Variants in SMIM14 observed in about 807,000 individuals in gnomAD.
SMIM14 encodes the protein small integral membrane protein 14.
Under a neutral mutation model 12.6 loss-of-function variants are expected in SMIM14, and 5 were observed. The observed-to-expected ratio is 0.40, with a 90% confidence interval of 0.21 to 0.83. The LOEUF (loss-of-function observed/expected upper bound fraction) is 0.83. Ranked by LOEUF, SMIM14 falls within the 40% of genes least tolerant of loss-of-function variation. SMIM14 has a pLI of 0.37. For missense variants in SMIM14, 86 were observed against 119.1 expected, an observed-to-expected ratio of 0.72 and a Z score of 1.29; for synonymous variants, 30 against 40.1, an observed-to-expected ratio of 0.75 and a Z score of 0.95.
At chr4:39,592,438 G>A (rs1223415451) in intron 2 of SMIM14, among the ~76,000 whole-genome samples, 1 of 151,964 alleles carries the variant, frequency 6.6e-6, no homozygotes, top group African/African-American at 2.4e-5. Context: ...AACCAGTGAT[G>A]AGGCAGTAGT....
At chr4:39,572,876 G>T (rs1712975002) in intron 2 of SMIM14, among the ~76,000 whole-genome samples, 1 of 151,868 alleles carries the variant, frequency 6.6e-6, no homozygotes, top group South Asian at 2.1e-4. Context: ...TCACTCTGTT[G>T]CCTAGGCTGG....
At chr4:39,630,867 C>CA (rs11451806) in intron 1 of SMIM14, among the ~76,000 whole-genome samples, 3,541 of 53,730 alleles carry the variant, frequency 0.066, 57 homozygotes, top group African/African-American at 0.11. Flanking sequence ...AAAACCCTGT[C>CA]AAAAAAAAAA....
At chr4:39,626,111 T>C (rs1255654361) in intron 1 of SMIM14, among the ~76,000 whole-genome samples, 1 of 152,146 alleles carries the variant, frequency 6.6e-6, no homozygotes, top group Non-Finnish European at 1.5e-5. Context: ...CTGGAGCGAC[T>C]GCATGCGAGG....
intron 1 of SMIM14, among the ~76,000 whole-genome samples, chr4:39,634,178 C>T (rs61644791): frequency 1.3e-5 from 2 of 152,294 alleles, no homozygotes; most frequent in South Asian, 2.1e-4. Context: ...CCACCGGCCT[C>T]GGCTTCCCAA....
intron 2 of SMIM14, among the ~76,000 whole-genome samples, chr4:39,598,171 T>C (rs1270135195): frequency 6.6e-6 from 1 of 152,220 alleles, no homozygotes; most frequent in Non-Finnish European, 1.5e-5. Flanking sequence ...AGTTACCTTA[T>C]ACTGCATAGA....
intron 4 of SMIM14, among the ~76,000 whole-genome samples, chr4:39,553,840 C>T (rs530577054): frequency 9.9e-5 from 15 of 150,858 alleles, no homozygotes; most frequent in East Asian, 7.9e-4. Context: ...GTGATCCGCC[C>T]GCCTCAGCCT....
intron 1 of SMIM14, among the ~76,000 whole-genome samples, chr4:39,634,581 A>T (rs1349962265): frequency 6.6e-6 from 1 of 152,260 alleles, no homozygotes; most frequent in East Asian, 1.9e-4. Flanking sequence ...GTTCCCAAAA[A>T]ATGGTAGCTA....
intron 3 of SMIM14, among the ~76,000 whole-genome samples, chr4:39,570,630 G>A (rs144581259): frequency 6.6e-6 from 1 of 151,676 alleles, no homozygotes; most frequent in African/African-American, 2.4e-5. Flanking sequence ...TTAAACGCTG[G>A]TGCTTCCCCA....
In SMIM14 at chr4:39,556,306, A is replaced by C. The variant is rs1712010469; in HGVS notation, c.267+122T>G. 6.9e-6 allele frequency: 6 copies of C among 867,988 alleles called. No homozygotes were observed. The Admixed American group carries it at 1.6e-4, about 23-fold the overall frequency. 53.8% of individuals were successfully genotyped at this position (867,988 alleles called of 1,614,324 possible). On this transcript the variant is annotated intron_variant, in intron 4 of 4. Transcript: ENST00000295958. ...TATTTAATAGAACTACATAGGTAGA[A>C]TACTCTATGAGTTAAATATAATTTA...
intron 1 of SMIM14, among the ~76,000 whole-genome samples, chr4:39,607,827 A>G (rs947452705): frequency 1.3e-5 from 2 of 152,232 alleles, no homozygotes; most frequent in African/African-American, 4.8e-5. Context: ...GAATTTCTAT[A>G]ACTCAATAAC....
At chr4:39,570,549 G>A (rs2110005027) in intron 3 of SMIM14, among the ~76,000 whole-genome samples, 1 of 152,290 alleles carries the variant, frequency 6.6e-6, no homozygotes, top group African/African-American at 2.4e-5. Flanking sequence ...CACAAAGAAT[G>A]TTTATTCAAG....
chr4:39,571,992 C>T (rs1712915318), intron 3 of SMIM14, among the ~76,000 whole-genome samples: 1 of 151,914 alleles, frequency 6.6e-6, no homozygotes, highest in African/African-American at 2.4e-5. Flanking sequence ...TTTGTAGAGA[C>T]AGGGTTTCCC....
rs1002993524 is a variant in SMIM14, at chr4:39,549,155, C to G, written c.*2971G>C. The G allele has an allele frequency of 6.6e-6, 1 of 152,126 alleles. No individual in the cohort carries two copies. Among genetic ancestry groups the G allele is most frequent in the African/African-American group, 2.4e-5 (1 of 41,408 alleles). The allele number at this position is 152,126 out of a possible 1,614,324, so 9.4% of individuals were successfully genotyped here. A position where few individuals can be genotyped will look rare whatever the true frequency, so the allele number is the denominator to read the frequency against. ...GTTGCAGTGAGCCAAGGTCGCGCCACTTCACTCCAGCTTGGGCGAAAGAGC... is the reference window on the plus strand; with the variant it reads ...GTTGCAGTGAGCCAAGGTCGCGCCAGTTCACTCCAGCTTGGGCGAAAGAGC... On this transcript the variant is annotated 3_prime_UTR_variant, in exon 5 of 5. Coordinates refer to ENST00000295958, the MANE Select transcript of SMIM14 (RefSeq NM_174921.3).
At chr4:39,603,847 C>T (rs1195848551) in intron 2 of SMIM14, among the ~76,000 whole-genome samples, 3 of 151,462 alleles carry the variant, frequency 2.0e-5, no homozygotes, top group Non-Finnish European at 4.4e-5. Flanking sequence ...CCCGTCTCTA[C>T]TAAAAATACA....
intron 1 of SMIM14, among the ~76,000 whole-genome samples, chr4:39,630,523 C>A (rs1359366557): frequency 6.6e-6 from 1 of 152,110 alleles, no homozygotes; most frequent in Non-Finnish European, 1.5e-5. Context: ...GCATAAACAT[C>A]ATTAGTCATA....
intron 2 of SMIM14, among the ~76,000 whole-genome samples, chr4:39,578,825 G>C (rs1713337431): frequency 6.6e-6 from 1 of 151,770 alleles, no homozygotes; most frequent in Non-Finnish European, 1.5e-5. Flanking sequence ...GTGTAACCCT[G>C]TCTCTACTAA....
At chr4:39,597,570 A>G (rs1484895828) in intron 2 of SMIM14, among the ~76,000 whole-genome samples, 1 of 151,218 alleles carries the variant, frequency 6.6e-6, no homozygotes, top group Non-Finnish European at 1.5e-5. Context: ...CAGCCTCCCG[A>G]GTAGCTGGGA....
At chr4:39,621,847 C>T (rs1578365191) in intron 1 of SMIM14, among the ~76,000 whole-genome samples, 1 of 141,836 alleles carries the variant, frequency 7.1e-6, no homozygotes, top group African/African-American at 2.6e-5. Flanking sequence ...TCATGCTTGG[C>T]TTTTTTTTTT....
chr4:39,632,611 T>C (rs1016546111), intron 1 of SMIM14, among the ~76,000 whole-genome samples: 35 of 151,550 alleles, frequency 2.3e-4, no homozygotes, highest in African/African-American at 7.0e-4. Flanking sequence ...CTGGGCAACA[T>C]TGCAAAACCC....
Sources: gnomAD v4.1 joint callset for allele counts (sites outside exome capture counted in the v4.1 genomes callset) on GRCh38, gnomAD v4.1.1 for gene constraint, MANE v1.5 for transcripts, NCBI Gene and HGNC (gene_info 2026-07-23, HGNC 2026-07-21) for gene names.